Variants in DLC1 observed in about 807,000 individuals in gnomAD.
DLC1 encodes rho GTPase-activating protein 7.
DLC1 carries 54 observed loss-of-function variants against 140.3 expected under a neutral mutation model. That is an observed-to-expected ratio of 0.38 (90% CI 0.31 to 0.48). The LOEUF (loss-of-function observed/expected upper bound fraction) is 0.48, where lower values mean the gene tolerates loss of function less well. Among genes scored for constraint, DLC1 ranks in the 20% least tolerant of loss-of-function variants. DLC1 has a pLI of 0.96. For missense variants in DLC1, 2,536 were observed against 1,907.0 expected, an observed-to-expected ratio of 1.33 and a Z score of -6.14; for synonymous variants, 986 against 728.1, an observed-to-expected ratio of 1.35 and a Z score of -5.70.
At chr8:13,491,172 T>C (rs2117163986) in intron 2 of DLC1, among the ~76,000 whole-genome samples, 1 of 151,096 alleles carries the variant, frequency 6.6e-6, no homozygotes, top group South Asian at 2.1e-4. Context: ...GCAGCAAATC[T>C]CCCAACTTTA....
intron 5 of DLC1, among the ~76,000 whole-genome samples, chr8:13,296,535 A>C (rs1831962020): frequency 6.6e-6 from 1 of 152,198 alleles, no homozygotes; most frequent in Non-Finnish European, 1.5e-5. Flanking sequence ...AGGAGAAATA[A>C]AAGTCCATCA....
In DLC1 at chr8:13,182,036, G is replaced by C. The variant is rs554227976; in HGVS notation, c.1349-66379C>G. ...TTTTTAATGATTTCCATTCTAACTG[G>C]TGTGAGATGGTATCTCATTGTGGTT... On this transcript the variant is annotated intron_variant, in intron 5 of 17. Transcript: ENST00000276297. Among the ~76,000 whole-genome samples the C allele has an allele frequency of 3.9e-5, 6 of 152,244 alleles. No individual in the cohort carries two copies. The East Asian group carries it at 9.7e-4, about 25-fold the overall frequency.
intron 1 of DLC1, among the ~76,000 whole-genome samples, chr8:13,533,621 C>T (rs1803173982): frequency 6.6e-6 from 1 of 152,190 alleles, no homozygotes; most frequent in East Asian, 1.9e-4. Flanking sequence ...TGCTGAGGAC[C>T]AAGAATCAAA....
chr8:13,206,289 T>C (rs1827659834), intron 5 of DLC1, among the ~76,000 whole-genome samples: 1 of 152,166 alleles, frequency 6.6e-6, no homozygotes, highest in African/African-American at 2.4e-5. Context: ...CCTTTGAATG[T>C]ATTTCCCAGT....
chr8:13,146,177 A>C (rs1303146002), intron 5 of DLC1, among the ~76,000 whole-genome samples: 2 of 151,888 alleles, frequency 1.3e-5, no homozygotes, highest in African/African-American at 4.8e-5. Flanking sequence ...CGGGAGGCTG[A>C]GGCAGGAGAA....
intron 2 of DLC1, among the ~76,000 whole-genome samples, chr8:13,482,932 C>G (rs1800801404): frequency 6.6e-6 from 1 of 152,146 alleles, no homozygotes; most frequent in Non-Finnish European, 1.5e-5. Flanking sequence ...GTTTGTATAC[C>G]AGTTTCCTGA....
At chr8:13,570,780 A>G (rs1251728662) in intron 1 of DLC1, among the ~76,000 whole-genome samples, 1 of 152,036 alleles carries the variant, frequency 6.6e-6, no homozygotes, top group African/African-American at 2.4e-5. Context: ...TTCAGCTCTC[A>G]AATTTTATTG....
chr8:13,562,238 T>C (rs1052838423), intron 1 of DLC1, among the ~76,000 whole-genome samples: 25 of 152,004 alleles, frequency 1.6e-4, no homozygotes, highest in Non-Finnish European at 2.6e-4. Flanking sequence ...ATTTGATATA[T>C]GAGAGAAAAA....
intron 4 of DLC1, among the ~76,000 whole-genome samples, chr8:13,387,705 A>C (rs1334188281): frequency 6.6e-6 from 1 of 152,122 alleles, no homozygotes; most frequent in East Asian, 1.9e-4. Context: ...AATGCAAATG[A>C]CATTTTATAG....
intron 2 of DLC1, among the ~76,000 whole-genome samples, chr8:13,471,210 C>T (rs2128071): frequency 0.96 from 145,620 of 151,930 alleles, 70,097 homozygotes; most frequent in East Asian, 1. Flanking sequence ...TGGATGGATA[C>T]TATTCTGGAG....
intron 5 of DLC1, among the ~76,000 whole-genome samples, chr8:13,129,940 C>T (rs775130184): frequency 2.0e-5 from 3 of 152,192 alleles, no homozygotes; most frequent in East Asian, 1.9e-4. Flanking sequence ...GCCTCATTTC[C>T]GTCTTCCTGT....
intron 1 of DLC1, among the ~76,000 whole-genome samples, chr8:13,598,237 T>G (rs960662876): frequency 3.9e-5 from 6 of 152,114 alleles, no homozygotes; most frequent in African/African-American, 1.4e-4. Flanking sequence ...CTTTCTTAAT[T>G]TGTCTAATTT....
intron 5 of DLC1, among the ~76,000 whole-genome samples, chr8:13,280,335 G>T (rs569798988): frequency 6.7e-6 from 1 of 148,676 alleles, no homozygotes; most frequent in East Asian, 2.0e-4. Context: ...ATGACATTAT[G>T]CTTTGATAGG....
intron 4 of DLC1, among the ~76,000 whole-genome samples, chr8:13,380,839 C>A (rs1836219544): frequency 6.6e-6 from 1 of 152,186 alleles, no homozygotes; most frequent in African/African-American, 2.4e-5. Flanking sequence ...TTCAAGACCT[C>A]AATTCTCCTG....
intron 5 of DLC1, among the ~76,000 whole-genome samples, chr8:13,202,150 C>T (rs964181214): frequency 5.3e-5 from 8 of 151,892 alleles, no homozygotes; most frequent in African/African-American, 1.9e-4. Flanking sequence ...TTCACCATGT[C>T]GGCCAGGATG....
chr8:13,404,761 G>C (rs1407040129), intron 2 of DLC1, among the ~76,000 whole-genome samples: 1 of 152,058 alleles, frequency 6.6e-6, no homozygotes, highest in African/African-American at 2.4e-5. Flanking sequence ...ATTTTGGGAG[G>C]CAGAGGTGGG....
intron 5 of DLC1, among the ~76,000 whole-genome samples, chr8:13,175,499 T>G (rs1370723172): frequency 2.0e-5 from 3 of 152,164 alleles, no homozygotes; most frequent in Non-Finnish European, 1.5e-5. Context: ...TTTTCAACTT[T>G]TAACCGTCTG....
chr8:13,455,059 A>T (rs1481327539), intron 2 of DLC1, among the ~76,000 whole-genome samples: 1 of 152,190 alleles, frequency 6.6e-6, no homozygotes, highest in Non-Finnish European at 1.5e-5. Flanking sequence ...GAATGATTTA[A>T]TGAGTAAATA....
intron 1 of DLC1, among the ~76,000 whole-genome samples, chr8:13,506,969 A>G (rs1188385736): frequency 6.6e-6 from 1 of 152,136 alleles, no homozygotes; most frequent in African/African-American, 2.4e-5. Flanking sequence ...TCACACTTGT[A>G]CATCGTATGT....
Sources: gnomAD v4.1 joint callset for allele counts (sites outside exome capture counted in the v4.1 genomes callset) on GRCh38, gnomAD v4.1.1 for gene constraint, MANE v1.5 for transcripts, NCBI Gene and HGNC (gene_info 2026-07-23, HGNC 2026-07-21) for gene names.